Variants in DPYD observed in about 807,000 individuals in gnomAD.
The protein encoded by DPYD is dihydropyrimidine dehydrogenase [NADP(+)].
DPYD carries 109 observed loss-of-function variants against 116.2 expected under a neutral mutation model. That is an observed-to-expected ratio of 0.94 (90% confidence interval 0.80 to 1.10). DPYD has a LOEUF of 1.10. DPYD is among the 50% of genes least tolerant of loss of function. The pLI is 0.00. For missense variants in DPYD, 1,302 were observed against 1,254.5 expected (o/e 1.04, Z -0.57); for synonymous variants, 440 against 432.0 (o/e 1.02, Z -0.23).
chr1:97,576,167 T>A (rs994869096), intron 10 of DPYD, among the ~76,000 whole-genome samples: 6 of 152,308 alleles, frequency 3.9e-5, no homozygotes, highest in Middle Eastern at 6.8e-3. Context: ...TTTGTCATAT[T>A]TGTGCCACAT....
At chr1:97,909,892 A>G (rs11165924) in intron 1 of DPYD, among the ~76,000 whole-genome samples, 35,435 of 152,002 alleles carry the variant, frequency 0.23, 5,225 homozygotes, top group Non-Finnish European at 0.32. Flanking sequence ...GTGCTATCTA[A>G]TAGTGATTTC....
At position 97,868,339 on chromosome 1, in the gene DPYD, AC is replaced by A. The variant is rs565123998; in HGVS notation, c.150+14924del. On this transcript the variant is annotated intron_variant, in intron 2 of 22. Transcript: ENST00000370192. ...AGGGTTCTCACATACACTCTTGATA[AC>A]ATACTATCTTGATAACAAGAACTAT... 2.7e-3 allele frequency among the ~76,000 whole-genome samples: 413 copies of A among 151,868 alleles called. 1 individual carries two copies. The highest frequency in any genetic ancestry group is 9.8e-3 in the African/African-American group (405 of 41,506).
chr1:97,257,391 T>C (rs1663552997), intron 18 of DPYD, among the ~76,000 whole-genome samples: 1 of 150,714 alleles, frequency 6.6e-6, no homozygotes, highest in South Asian at 2.1e-4. Flanking sequence ...AGAGCATATT[T>C]TGATATTTAC....
intron 13 of DPYD, among the ~76,000 whole-genome samples, chr1:97,505,867 G>C (rs981185470): frequency 5.9e-5 from 9 of 152,018 alleles, no homozygotes; most frequent in Admixed American, 5.9e-4. Context: ...AGATATTGTA[G>C]AAAAACATGC....
chr1:97,753,316 A>C (rs138562601), intron 3 of DPYD, among the ~76,000 whole-genome samples: 108 of 152,290 alleles, frequency 7.1e-4, no homozygotes, highest in Admixed American at 2.5e-3. Flanking sequence ...ATCATCAAGA[A>C]GTTAATAAAG....
chr1:97,308,113 A>G (rs1298535389), intron 16 of DPYD, among the ~76,000 whole-genome samples: 1 of 151,832 alleles, frequency 6.6e-6, no homozygotes, highest in Non-Finnish European at 1.5e-5. Flanking sequence ...CCCCCATGCC[A>G]TAATAATTTA....
At chr1:97,397,083 A>C (rs1323109700) in intron 14 of DPYD, among the ~76,000 whole-genome samples, 2 of 152,046 alleles carry the variant, frequency 1.3e-5, no homozygotes, top group Non-Finnish European at 2.9e-5. Flanking sequence ...CTAGCACCTA[A>C]TGTAATTTAG....
chr1:97,436,752 T>C (rs1277753661), intron 14 of DPYD, among the ~76,000 whole-genome samples: 4 of 152,010 alleles, frequency 2.6e-5, no homozygotes, highest in Admixed American at 1.3e-4. Context: ...CTTAATACTA[T>C]CTAAGGTCAT....
At chr1:97,617,447 T>C (rs530006065) in intron 8 of DPYD, among the ~76,000 whole-genome samples, 1 of 152,232 alleles carries the variant, frequency 6.6e-6, no homozygotes, top group South Asian at 2.1e-4. Context: ...TTTAAAAAGC[T>C]ATTTGGCTTA....
At chr1:97,288,843 C>G (rs898484034) in intron 18 of DPYD, among the ~76,000 whole-genome samples, 6 of 151,628 alleles carry the variant, frequency 4.0e-5, no homozygotes, top group East Asian at 1.9e-4. Context: ...AATCAGAGCA[C>G]AACTGAAGGA....
At chr1:97,383,551 A>G (rs897355389) in intron 14 of DPYD, among the ~76,000 whole-genome samples, 1 of 152,134 alleles carries the variant, frequency 6.6e-6, no homozygotes, top group African/African-American at 2.4e-5. Context: ...CATAGCTCTT[A>G]CAGTGTGCTT....
chr1:97,438,256 G>C (rs376490237), intron 14 of DPYD, among the ~76,000 whole-genome samples: 1 of 152,030 alleles, frequency 6.6e-6, no homozygotes, highest in East Asian at 1.9e-4. Context: ...CCACAAAAAA[G>C]GTTTGCTAAT....
chr1:97,085,511 A>G (rs544611581), intron 21 of DPYD, among the ~76,000 whole-genome samples: 3 of 152,224 alleles, frequency 2.0e-5, no homozygotes, highest in Admixed American at 6.5e-5. Flanking sequence ...TTTTAAGAAA[A>G]TTATATTTTT....
At chr1:97,900,129 G>A (rs116755650) in intron 1 of DPYD, among the ~76,000 whole-genome samples, 7 of 151,840 alleles carry the variant, frequency 4.6e-5, no homozygotes, top group African/African-American at 7.3e-5. Context: ...TAAAGGGAGA[G>A]GTATACCTTG....
intron 16 of DPYD, among the ~76,000 whole-genome samples, chr1:97,309,650 A>G (rs920712528): frequency 1.3e-5 from 2 of 151,794 alleles, no homozygotes; most frequent in African/African-American, 4.8e-5. Flanking sequence ...TTGATGAGGT[A>G]CAGCCCAGTG....
chr1:97,229,075 G>A (rs1374821364), intron 19 of DPYD, among the ~76,000 whole-genome samples: 1 of 151,610 alleles, frequency 6.6e-6, no homozygotes, highest in Non-Finnish European at 1.5e-5. Context: ...ATGGTGGCGG[G>A]CACCTGTGGT....
chr1:97,781,974 G>A (rs1666771396), intron 3 of DPYD, among the ~76,000 whole-genome samples: 1 of 152,160 alleles, frequency 6.6e-6, no homozygotes, highest in Non-Finnish European at 1.5e-5. Context: ...TGGTGGTTCT[G>A]ACTGATTCAC....
chr1:97,082,561 C>G, intron 21 of DPYD, 91 bp from the exon 22 acceptor site: 1 of 1,455,078 alleles, frequency 6.9e-7, no homozygotes, highest in Non-Finnish European at 9.6e-7. Context: ...TGTTTTTATA[C>G]AATGTTGCAT....
At chr1:97,597,623 G>C (rs1360395101) in intron 8 of DPYD, among the ~76,000 whole-genome samples, 1 of 152,162 alleles carries the variant, frequency 6.6e-6, no homozygotes, top group Non-Finnish European at 1.5e-5. Context: ...TAAGGAGATT[G>C]CCTCAATAAT....
Sources: allele counts gnomAD v4.1 joint callset (sites outside exome capture counted in the v4.1 genomes callset), GRCh38; gene constraint gnomAD v4.1.1; transcripts MANE v1.5; gene names NCBI Gene and HGNC (gene_info 2026-07-23, HGNC 2026-07-21).